MPRIP: variants seen among roughly 807,000 people sequenced by gnomAD.
MPRIP encodes the protein myosin phosphatase Rho-interacting protein.
Under a neutral mutation model 234.9 loss-of-function variants are expected in MPRIP, and 59 were observed. That is an observed-to-expected ratio of 0.25 (90% CI 0.20 to 0.31). MPRIP has a LOEUF of 0.31. MPRIP is among the 10% of genes least tolerant of loss of function. The pLI is 1.00. For synonymous variants in MPRIP, 1,144 were observed against 1,263.9 expected, an observed-to-expected ratio of 0.91 and a Z score of 2.01; for missense variants, 2,436 against 3,071.0, an observed-to-expected ratio of 0.79 and a Z score of 4.89.
chr17:17,124,024 G>A (rs745956994), intron 3 of MPRIP, among the ~76,000 whole-genome samples: 2 of 152,174 alleles, frequency 1.3e-5, no homozygotes, highest in Non-Finnish European at 2.9e-5. Flanking sequence ...GCTCAGCTTG[G>A]TATGTTTTTG....
chr17:17,094,636 T>TA (rs60538179), intron 3 of MPRIP, among the ~76,000 whole-genome samples: 6 of 151,302 alleles, frequency 4.0e-5, no homozygotes, highest in African/African-American at 1.5e-4. Flanking sequence ...TTTTTTTTTT[T>TA]AATGGAGTCT....
At chr17:17,133,576 C>T (rs1317058977) in intron 5 of MPRIP, among the ~76,000 whole-genome samples, 3 of 152,202 alleles carry the variant, frequency 2.0e-5, no homozygotes, top group Non-Finnish European at 2.9e-5. Context: ...AGTGTTGGCC[C>T]GGGAGAGTTT....
chr17:17,152,749 A>G (rs2045630321), intron 12 of MPRIP, among the ~76,000 whole-genome samples: 1 of 152,304 alleles, frequency 6.6e-6, no homozygotes, highest in South Asian at 2.1e-4. Context: ...TTCATGATAC[A>G]TGTCTGGCGG....
chr17:17,043,189 C>T (rs1033446199), intron 1 of MPRIP, among the ~76,000 whole-genome samples: 1 of 152,148 alleles, frequency 6.6e-6, no homozygotes, highest in South Asian at 2.1e-4. Context: ...TCCCATTGCC[C>T]GGCTGTGTGA....
At chr17:17,180,828 A>C (rs1001799602) in intron 23 of MPRIP, among the ~76,000 whole-genome samples, 1 of 152,220 alleles carries the variant, frequency 6.6e-6, no homozygotes, top group Admixed American at 6.5e-5. Context: ...TTGGCACTCT[A>C]ACCTCTTAAC....
chr17:17,063,912 G>C (rs575919202), intron 1 of MPRIP, among the ~76,000 whole-genome samples: 36 of 152,338 alleles, frequency 2.4e-4, no homozygotes, highest in South Asian at 2.1e-3. Context: ...CTGGCCACCC[G>C]CTTGGGGCAG....
intron 19 of MPRIP, 64 bp from the exon 20 acceptor site, chr17:17,175,229 G>C (rs1039331577): frequency 1.9e-6 from 3 of 1,610,346 alleles, no homozygotes; most frequent in Middle Eastern, 2.1e-4. Flanking sequence ...GCCTTCCCGG[G>C]TTGTGTCATG....
At chr17:17,161,123 T>A in intron 14 of MPRIP, 117 bp from the exon 15 acceptor site, 3 of 626,630 alleles carry the variant, frequency 4.8e-6, no homozygotes, top group Non-Finnish European at 5.5e-6. Flanking sequence ...TCTGCTGAAA[T>A]GTGGAGACTC....
chr17:17,050,597 C>T (rs2088508814), intron 1 of MPRIP, among the ~76,000 whole-genome samples: 1 of 152,228 alleles, frequency 6.6e-6, no homozygotes, highest in Non-Finnish European at 1.5e-5. Flanking sequence ...TGGAGTGCTG[C>T]TTCTCTGGGA....
intron 19 of MPRIP, 142 bp downstream of exon 19, chr17:17,174,217 TACCTGCCC>T: frequency 2.2e-5 from 23 of 1,065,066 alleles, no homozygotes; most frequent in Non-Finnish European, 2.9e-5. Flanking sequence ...ACAGAGTGGT[TACCTGCCC>T]CAGGGCTTCT....
At chr17:17,127,765 G>A (rs1041223776) in intron 4 of MPRIP, among the ~76,000 whole-genome samples, 3 of 152,228 alleles carry the variant, frequency 2.0e-5, no homozygotes, top group African/African-American at 4.8e-5. Flanking sequence ...TCAGGAATAC[G>A]AAGCCCTTGA....
intron 3 of MPRIP, among the ~76,000 whole-genome samples, chr17:17,103,689 A>G (rs370117661): frequency 1.5e-4 from 23 of 152,282 alleles, no homozygotes; most frequent in East Asian, 1.2e-3. Context: ...TTTATCTGCT[A>G]TATCAGGACA....
chr17:17,159,457 C>G (rs1251993957), intron 14 of MPRIP, among the ~76,000 whole-genome samples: 2 of 152,222 alleles, frequency 1.3e-5, no homozygotes, highest in Non-Finnish European at 2.9e-5. Flanking sequence ...AAGCCAGGGG[C>G]ATCCAGCAGG....
Position 17,166,737 on chromosome 17 carries a change from C to G in MPRIP, c.5146C>G (p.Gln1716Glu). 7.7e-7 allele frequency: 1 copy of G among 1,304,250 alleles called. No individual in the cohort carries two copies. Among genetic ancestry groups the G allele is most frequent in the African/African-American group, 1.5e-5 (1 of 66,008 alleles). The allele number at this position is 1,304,250 out of a possible 1,614,324, so 80.8% of individuals were successfully genotyped here. The change falls in exon 16 of 24, where the codon CAA (glutamine) becomes GAA (glutamate). Residue 1716 changes from glutamine (Q) to glutamate (E), a missense_variant. Transcript: ENST00000651222. This position sits in a 1 kb window ranked among gnomAD's most constrained non-coding sequence, Gnocchi z 4.4. ...GCTGAGGGAAATCCTGGGAGCCTAC[C>G]AAACCCCAGACTTTGAAAGAGTGAT... ...CLLREILGAY[Q>E]TPDFERVMQQ...
At chr17:17,134,261 G>A (rs1193225748) in intron 5 of MPRIP, among the ~76,000 whole-genome samples, 1 of 152,212 alleles carries the variant, frequency 6.6e-6, no homozygotes, top group Non-Finnish European at 1.5e-5. Flanking sequence ...TGCTTGGCAA[G>A]CAAGGCTCTA....
At chr17:17,129,154 G>T (rs2090549139) in intron 4 of MPRIP, among the ~76,000 whole-genome samples, 1 of 152,178 alleles carries the variant, frequency 6.6e-6, no homozygotes, top group Non-Finnish European at 1.5e-5. Context: ...CCACTTCCAG[G>T]ATTCTGGGCC....
chr17:17,056,369 A>G (rs1298163194), intron 1 of MPRIP, among the ~76,000 whole-genome samples: 2 of 152,198 alleles, frequency 1.3e-5, no homozygotes, highest in African/African-American at 4.8e-5. Context: ...TCCTGTGGCC[A>G]CGGGCTGTTT....
At chr17:17,183,328 G>T (rs2046411310) in intron 23 of MPRIP, 1 of 152,290 alleles carries the variant, frequency 6.6e-6, no homozygotes, top group African/African-American at 2.4e-5. Flanking sequence ...CCATTCTCCT[G>T]CCTCAGCCTC....
chr17:17,054,941 C>G (rs1010843160), intron 1 of MPRIP, among the ~76,000 whole-genome samples: 1 of 151,728 alleles, frequency 6.6e-6, no homozygotes, highest in Non-Finnish European at 1.5e-5. Context: ...GTCCCAGCTA[C>G]TTGGGAGGCT....
Sources: allele counts gnomAD v4.1 joint callset (sites outside exome capture counted in the v4.1 genomes callset), GRCh38; gene constraint gnomAD v4.1.1; non-coding constraint Gnocchi (gnomAD v3.1); transcripts MANE v1.5; gene names NCBI Gene and HGNC (gene_info 2026-07-23, HGNC 2026-07-21).